GRK5: variants seen among roughly 807,000 people sequenced by gnomAD.
GRK5 encodes the protein g protein-coupled receptor kinase GRK5.
A neutral mutation model predicts 78.4 loss-of-function variants in GRK5; 40 were observed. The observed-to-expected ratio is 0.51, with a 90% CI of 0.40 to 0.66. GRK5 has a LOEUF of 0.66. GRK5 is among the 30% of genes least tolerant of loss of function. The pLI is 0.00. For synonymous variants in GRK5, 289 were observed against 296.8 expected (o/e 0.97, Z 0.27); for missense variants, 598 against 759.9 (o/e 0.79, Z 2.50).
chr10:119,224,133 A>C (rs1030336777), intron 1 of GRK5, among the ~76,000 whole-genome samples: 1 of 152,146 alleles, frequency 6.6e-6, no homozygotes, highest in Non-Finnish European at 1.5e-5. Flanking sequence ...TAGCCACTGC[A>C]CTCCAATCTG....
At chr10:119,236,268 T>A (rs1276231360) in intron 1 of GRK5, among the ~76,000 whole-genome samples, 1 of 152,032 alleles carries the variant, frequency 6.6e-6, no homozygotes, top group Admixed American at 6.5e-5. Context: ...CAGGCTGGAG[T>A]GCAGTGGCGC....
At chr10:119,387,953 GA>G (rs1851827665) in intron 3 of GRK5, among the ~76,000 whole-genome samples, 1 of 34,874 alleles carries the variant, frequency 2.9e-5, no homozygotes, top group African/African-American at 6.8e-5. Flanking sequence ...AAATAAAGAA[GA>G]TTTTTTTTTT....
intron 1 of GRK5, among the ~76,000 whole-genome samples, chr10:119,277,628 G>A (rs191052764): frequency 1.3e-5 from 2 of 152,226 alleles, no homozygotes; most frequent in East Asian, 1.9e-4. Context: ...GAGAAGTTAG[G>A]ATATATCCAT....
At chr10:119,364,536 C>T (rs1851414469) in intron 2 of GRK5, among the ~76,000 whole-genome samples, 1 of 152,132 alleles carries the variant, frequency 6.6e-6, no homozygotes, top group African/African-American at 2.4e-5. Context: ...CTGCTGCCCC[C>T]AAGTAAGGCT....
chr10:119,230,038 ATGG>A (rs905807698), intron 1 of GRK5, among the ~76,000 whole-genome samples: 8 of 152,108 alleles, frequency 5.3e-5, no homozygotes, highest in African/African-American at 1.9e-4. Context: ...GGAAAGCCAA[ATGG>A]TGGTGACTTG....
chr10:119,380,898 G>A lies in GRK5; in HGVS notation c.232G>A (p.Glu78Lys), dbSNP rs758236985. 8.1e-6 allele frequency: 13 copies of A among 1,612,990 alleles called. No homozygotes were observed. The African/African-American group carries it at 1.7e-4, about 22-fold the overall frequency. ...RQFCETRPGL[E>K]CYIQFLDSVA... ...GTTTTGTGAAACCAGGCCTGGGCTG[G>A]AGTGTTACATTCAGTTCCTGGACTC... The change falls in exon 3 of 16, where the codon GAG becomes AAG. Residue 78 changes from glutamate (E) to lysine (K), a missense_variant. Physicochemically the swap from Glu to Lys is moderately conservative, Grantham distance 56. Transcript: ENST00000392870.
chr10:119,313,244 AATGGTGGTGGTG>A (rs903240572), intron 1 of GRK5, among the ~76,000 whole-genome samples: 1 of 89,272 alleles, frequency 1.1e-5, no homozygotes, highest in African/African-American at 4.1e-5. Flanking sequence ...TGGTGGTGGT[AATGGTGGTGGTG>A]ATGGTGGTGG....
At chr10:119,213,719 CTG>C (rs1297520665) in intron 1 of GRK5, among the ~76,000 whole-genome samples, 1 of 152,106 alleles carries the variant, frequency 6.6e-6, no homozygotes, top group Non-Finnish European at 1.5e-5. Flanking sequence ...TTTGTGAAAA[CTG>C]TGCTGCTTTT....
At chr10:119,414,543 G>A (rs1852408316) in intron 4 of GRK5, among the ~76,000 whole-genome samples, 1 of 152,190 alleles carries the variant, frequency 6.6e-6, no homozygotes, top group Non-Finnish European at 1.5e-5. Flanking sequence ...AAGGAATGTG[G>A]CATCCTTGGA....
chr10:119,225,862 T>C (rs1405898913), intron 1 of GRK5, among the ~76,000 whole-genome samples: 2 of 150,866 alleles, frequency 1.3e-5, no homozygotes, highest in African/African-American at 4.9e-5. Flanking sequence ...TTTCTTTTTT[T>C]TTTTGAGATG....
intron 3 of GRK5, among the ~76,000 whole-genome samples, chr10:119,387,041 G>A (rs1444804092): frequency 6.6e-6 from 1 of 151,816 alleles, no homozygotes; most frequent in Non-Finnish European, 1.5e-5. Context: ...GTCTCACTGT[G>A]TTGCCCAGGC....
chr10:119,448,475 G>C (rs910046446), intron 13 of GRK5, among the ~76,000 whole-genome samples: 3 of 152,248 alleles, frequency 2.0e-5, no homozygotes, highest in African/African-American at 7.2e-5. Flanking sequence ...CACATTGGCT[G>C]TCCAGAGACT....
At chr10:119,347,377 ATG>A (rs1440841175) in intron 2 of GRK5, among the ~76,000 whole-genome samples, 2 of 151,008 alleles carry the variant, frequency 1.3e-5, no homozygotes, top group East Asian at 1.9e-4. Flanking sequence ...GTTTGTGCCC[ATG>A]TGTGTTTGCG....
rs1246059007 is a variant in GRK5 at position 119,379,255 on chromosome 10, TACAG to T, written c.149-1557_149-1554del. Among the ~76,000 whole-genome samples the T allele has an allele frequency of 6.6e-6, 1 of 152,186 alleles. No individual in the cohort carries two copies. The highest frequency in any genetic ancestry group is 1.5e-5 in the Non-Finnish European group (1 of 68,032). ...TTAGGTCTGCTTACCGTCCGCAGTT[TACAG>T]ACTAGACAACTGAGGGGCAGTGTCA... On this transcript the variant is annotated intron_variant, in intron 2 of 15. Coordinates refer to ENST00000392870, the MANE Select transcript of GRK5 (RefSeq NM_005308.3). This position sits in a 1 kb window ranked among gnomAD's most constrained non-coding sequence, Gnocchi z 4.1.
rs1470608824 is a variant in GRK5, at chr10:119,430,649, A to T, written c.597+211A>T. Among the ~76,000 whole-genome samples the T allele has an allele frequency of 2.0e-5, 3 of 152,002 alleles. No individual in the cohort carries two copies. Among genetic ancestry groups the T allele is most frequent in the African/African-American group, 7.2e-5 (3 of 41,386 alleles). On this transcript the variant is annotated intron_variant, in intron 7 of 15. Coordinates refer to ENST00000392870, the MANE Select transcript of GRK5 (RefSeq NM_005308.3). The surrounding 1 kb of genome is among the most constrained non-coding windows in gnomAD (Gnocchi z 4.5). ...GTGGAAAGAGGTTGTGGAGCTGGGC[A>T]GGTGAGACAGACGTGCTCTCCTGCC...
chr10:119,321,820 C>A (rs1395630184), intron 1 of GRK5, among the ~76,000 whole-genome samples: 2 of 152,106 alleles, frequency 1.3e-5, no homozygotes, highest in African/African-American at 4.8e-5. Flanking sequence ...GAGTCTGCAC[C>A]CTCGGCTTGG....
Position 119,448,730 on chromosome 10 carries a change from G to A in GRK5, c.1404+470G>A, listed in dbSNP as rs535097201. Among the ~76,000 whole-genome samples, 14 of 152,190 alleles carry A rather than the reference G, an allele frequency of 9.2e-5. No individual in the cohort carries two copies. In the South Asian group the frequency reaches 2.7e-3, roughly 29 times the overall value. ...GGTTCTGGGCCAGGCAGAAACATAAGAGGCCCCTCCCCCAGCAGCTCACAT... is the reference window on the plus strand; with the variant it reads ...GGTTCTGGGCCAGGCAGAAACATAAAAGGCCCCTCCCCCAGCAGCTCACAT... On this transcript the variant is annotated intron_variant, in intron 13 of 15. Coordinates refer to ENST00000392870, the MANE Select transcript of GRK5 (RefSeq NM_005308.3).
In GRK5 at chr10:119,301,108, G is replaced by GA. The variant is rs547790250; in HGVS notation, c.53-25396dup. On this transcript the variant is annotated intron_variant, in intron 1 of 15. Transcript: ENST00000392870. ...AATAGAGGGAGACTCAGTCCCAAAA[G>GA]AAAAAAAAAAAAGTGCAGAACCCAT... Among the ~76,000 whole-genome samples, 403 of 141,084 alleles carry GA rather than the reference G, an allele frequency of 2.9e-3. 1 individual carries two copies. The highest frequency in any genetic ancestry group is 0.014 in the Middle Eastern group (4 of 276). 92.6% of individuals were successfully genotyped at this position (141,084 alleles called of 152,430 possible).
intron 1 of GRK5, among the ~76,000 whole-genome samples, chr10:119,231,763 A>G (rs1848834364): frequency 6.6e-6 from 1 of 152,150 alleles, no homozygotes; most frequent in Non-Finnish European, 1.5e-5. Context: ...AGGAAGTGCA[A>G]ATCAAAACCA....
Sources: gnomAD v4.1 joint callset for allele counts (sites outside exome capture counted in the v4.1 genomes callset) on GRCh38, gnomAD v4.1.1 for gene constraint, Gnocchi (gnomAD v3.1) non-coding constraint, MANE v1.5 for transcripts, NCBI Gene and HGNC (gene_info 2026-07-23, HGNC 2026-07-21) for gene names.